Variants in VSNL1 observed in about 807,000 individuals in gnomAD.
VSNL1 encodes visinin like 1, also known as visinin-like protein 1.
In VSNL1, 6 loss-of-function variants were observed where a neutral mutation model predicts 20.4. The observed-to-expected ratio is 0.29, with a 90% CI of 0.16 to 0.58. The LOEUF (loss-of-function observed/expected upper bound fraction) is 0.58, where lower values mean the gene tolerates loss of function less well. Ranked by LOEUF, VSNL1 falls within the 20% of genes least tolerant of loss-of-function variation. The pLI is 0.90. For synonymous variants in VSNL1, 93 were observed against 86.4 expected (o/e 1.08, Z -0.42); for missense variants, 100 against 234.5 (o/e 0.43, Z 3.75).
At chr2:17,622,528 AAAGAAAAG>A (rs1665389133) in intron 2 of VSNL1, among the ~76,000 whole-genome samples, 2 of 115,552 alleles carry the variant, frequency 1.7e-5, no homozygotes, top group African/African-American at 6.3e-5. Flanking sequence ...GAAAAGAAAG[AAAGAAAAG>A]AAAGAAAGAA....
chr2:17,637,859 A>G (rs1417148955), intron 2 of VSNL1, among the ~76,000 whole-genome samples: 1 of 152,170 alleles, frequency 6.6e-6, no homozygotes, highest in African/African-American at 2.4e-5. Context: ...CACAGACAGA[A>G]TGACCTTTGC....
At chr2:17,585,842 G>A (rs555708799) in intron 1 of VSNL1, among the ~76,000 whole-genome samples, 1 of 140,912 alleles carries the variant, frequency 7.1e-6, no homozygotes, top group African/African-American at 2.8e-5. Flanking sequence ...TTTCACTCTT[G>A]TCACCCAGGC....
upstream of VSNL1, chr2:17,540,517 C>G (rs1663255133): frequency 6.5e-6 from 1 of 152,738 alleles, no homozygotes; most frequent in African/African-American, 2.4e-5. Flanking sequence ...CCGAGCCCCT[C>G]CGACTGAGCA....
intron 2 of VSNL1, among the ~76,000 whole-genome samples, chr2:17,615,898 G>A (rs1286358673): frequency 1.3e-5 from 2 of 152,126 alleles, no homozygotes; most frequent in Non-Finnish European, 2.9e-5. Context: ...ATACCACTTG[G>A]ACAGGAAATA....
chr2:17,641,090 T>G (rs938477101), intron 2 of VSNL1, among the ~76,000 whole-genome samples: 1 of 152,246 alleles, frequency 6.6e-6, no homozygotes, highest in African/African-American at 2.4e-5. Context: ...CTAATTGAGA[T>G]GCAGCCAGGC....
At chr2:17,617,737 G>T (rs34214893) in intron 2 of VSNL1, among the ~76,000 whole-genome samples, 1 of 152,120 alleles carries the variant, frequency 6.6e-6, no homozygotes, top group South Asian at 2.1e-4. Flanking sequence ...TGGAAGTAAG[G>T]GATGCTGTCT....
intron 1 of VSNL1, among the ~76,000 whole-genome samples, chr2:17,575,119 T>C (rs542849636): frequency 2.4e-4 from 37 of 152,208 alleles, no homozygotes; most frequent in African/African-American, 8.2e-4. Context: ...TGAGCCACCA[T>C]GCCCAGCCTA....
intron 2 of VSNL1, among the ~76,000 whole-genome samples, chr2:17,637,532 C>A (rs907065649): frequency 2.0e-5 from 3 of 152,104 alleles, no homozygotes; most frequent in African/African-American, 7.2e-5. Context: ...CTCCAGCTAC[C>A]ATCCAGCCCC....
chr2:17,541,793 C>G (rs949666758), intron 1 of VSNL1: 1 of 152,186 alleles, frequency 6.6e-6, no homozygotes, highest in South Asian at 2.1e-4. Flanking sequence ...CAAGGTCAAA[C>G]CCCGGGTGGA....
rs76203519 is a variant in VSNL1, at chr2:17,634,898, G to A, written c.163-14512G>A. Among the ~76,000 whole-genome samples the A allele has an allele frequency of 0.05, 7,681 of 152,186 alleles. 220 individuals are homozygous for A. Among genetic ancestry groups the A allele is most frequent in the Middle Eastern group, 0.095 (28 of 294 alleles). ...GGAGTTACTGCTCCTGCTTGGTTCT[G>A]ACTCACGGTCAGGCTCTAACTGGCA... is the stretch of plus-strand genomic sequence containing the variant. On this transcript the variant is annotated intron_variant, in intron 2 of 3. Transcript: ENST00000295156. The surrounding 1 kb of genome is among the most constrained non-coding windows in gnomAD (Gnocchi z 4.3).
At chr2:17,652,158 G>A (rs1666136099) in intron 3 of VSNL1, among the ~76,000 whole-genome samples, 1 of 152,046 alleles carries the variant, frequency 6.6e-6, no homozygotes, top group Non-Finnish European at 1.5e-5. Context: ...AAGTGAAAGA[G>A]GACATATCAG....
intron 2 of VSNL1, among the ~76,000 whole-genome samples, chr2:17,641,944 T>C (rs1665890797): frequency 6.6e-6 from 1 of 152,240 alleles, no homozygotes. Flanking sequence ...TCCAAAGTCA[T>C]GAAAGTAACA....
rs555547245 is a variant in VSNL1, at chr2:17,627,113, C to T, written c.163-22297C>T. ...GCAAATCCACGCCAAGGAGACACCA[C>T]ATACCCCCATCTCACCACATCACAG... On this transcript the variant is annotated intron_variant, in intron 2 of 3. Transcript: ENST00000295156. 2.6e-5 allele frequency among the ~76,000 whole-genome samples: 4 copies of T among 152,362 alleles called. No homozygotes were observed. In the East Asian group the frequency reaches 5.8e-4, roughly 22 times the overall value.
chr2:17,564,179 A>G (rs982368295), intron 1 of VSNL1, among the ~76,000 whole-genome samples: 1 of 151,968 alleles, frequency 6.6e-6, no homozygotes, highest in African/African-American at 2.4e-5. Flanking sequence ...TTTCACCCCC[A>G]TTTTTTTCAC....
At chr2:17,540,353 C>T (rs1488011758), upstream of VSNL1, among the ~76,000 whole-genome samples, 1 of 152,258 alleles carries the variant, frequency 6.6e-6, no homozygotes, top group African/African-American at 2.4e-5. Flanking sequence ...CCCCCAGGTT[C>T]GGTAACCACT....
intron 2 of VSNL1, among the ~76,000 whole-genome samples, chr2:17,609,876 C>G (rs889415331): frequency 6.6e-6 from 1 of 152,206 alleles, no homozygotes; most frequent in Non-Finnish European, 1.5e-5. Flanking sequence ...ACACAACCCC[C>G]CACTGCCATC....
At chr2:17,577,328 T>C (rs1197651931) in intron 1 of VSNL1, among the ~76,000 whole-genome samples, 1 of 152,244 alleles carries the variant, frequency 6.6e-6, no homozygotes, top group East Asian at 1.9e-4. Context: ...CAAATGTTAA[T>C]GATTTTTTAA....
intron 2 of VSNL1, among the ~76,000 whole-genome samples, chr2:17,596,470 G>A (rs1209174495): frequency 6.6e-6 from 1 of 152,170 alleles, no homozygotes; most frequent in Non-Finnish European, 1.5e-5. Context: ...GGTTTAATGA[G>A]AAAATCAACC....
At chr2:17,590,066 C>T (rs1664565291) in intron 1 of VSNL1, among the ~76,000 whole-genome samples, 1 of 152,218 alleles carries the variant, frequency 6.6e-6, no homozygotes, top group African/African-American at 2.4e-5. Flanking sequence ...TGCTCTTATA[C>T]AAGTTACCAT....
Sources: allele counts gnomAD v4.1 joint callset (sites outside exome capture counted in the v4.1 genomes callset), GRCh38; gene constraint gnomAD v4.1.1; non-coding constraint Gnocchi (gnomAD v3.1); transcripts MANE v1.5; gene names NCBI Gene and HGNC (gene_info 2026-07-23, HGNC 2026-07-21).